The following ZCCHC7 variants were observed in gnomAD, a reference collection of about 807,000 sequenced individuals.
ZCCHC7 encodes zinc finger CCHC domain-containing protein 7.
In ZCCHC7, 35 loss-of-function variants were observed where a neutral mutation model predicts 52.0. That is an observed-to-expected ratio of 0.67 (90% CI 0.51 to 0.89). The LOEUF (loss-of-function observed/expected upper bound fraction) is 0.89, where lower values mean the gene tolerates loss of function less well. Ranked by LOEUF, ZCCHC7 falls within the 40% of genes least tolerant of loss-of-function variation. The probability of loss-of-function intolerance (pLI) is 0.00; values close to 1 mark genes in which losing one functional copy is unlikely to be tolerated. For synonymous variants in ZCCHC7, 217 were observed against 221.5 expected (o/e 0.98, Z 0.18); for missense variants, 574 against 649.1 (o/e 0.88, Z 1.26).
chr9:37,264,521 G>A (rs1002529887), intron 2 of ZCCHC7, among the ~76,000 whole-genome samples: 31 of 151,772 alleles, frequency 2.0e-4, no homozygotes, highest in Admixed American at 1.6e-3. Context: ...CTTTTTTATT[G>A]TGTATTGTGA....
chr9:37,348,771 T>G (rs1464420275), intron 6 of ZCCHC7, among the ~76,000 whole-genome samples: 1 of 152,190 alleles, frequency 6.6e-6, no homozygotes. Flanking sequence ...TGTGCCCTGC[T>G]TTTTCCACCT....
intron 2 of ZCCHC7, among the ~76,000 whole-genome samples, chr9:37,285,386 G>A (rs922323807): frequency 6.6e-6 from 1 of 151,890 alleles, no homozygotes; most frequent in Non-Finnish European, 1.5e-5. Context: ...TGGTATTTTC[G>A]AAATTATTTC....
intron 6 of ZCCHC7, among the ~76,000 whole-genome samples, chr9:37,340,647 A>G (rs1820581752): frequency 6.6e-6 from 1 of 152,180 alleles, no homozygotes; most frequent in African/African-American, 2.4e-5. Context: ...AAAAATAAAG[A>G]CATGCTCCAA....
chr9:37,142,700 T>C (rs139457165), intron 2 of ZCCHC7, among the ~76,000 whole-genome samples: 3 of 151,920 alleles, frequency 2.0e-5, no homozygotes, highest in East Asian at 3.9e-4. Flanking sequence ...TATAGTTATA[T>C]AGGCTTCATG....
chr9:37,126,377 T>A lies in ZCCHC7; in HGVS notation c.45T>A (p.Asp15Glu). 1 of 1,614,074 alleles carries A rather than the reference T, an allele frequency of 6.2e-7. No homozygotes were observed. The highest frequency in any genetic ancestry group is 8.5e-7 in the Non-Finnish European group (1 of 1,180,000). Residue 15 changes from aspartate to glutamate, a missense_variant, in exon 2 of 9, where the codon GAT becomes GAA. This residue lies in a region of ZCCHC7 where 403 missense variants were observed against 461.2 expected (regional missense o/e 0.87). Coordinates refer to ENST00000336755, the MANE Select transcript of ZCCHC7 (RefSeq NM_032226.3). ...GYETIEAYED[D>E]LYRDESSSEL... ...AGACTATAGAAGCATACGAAGATGATCTTTATCGAGATGAGTCATCTAGTG... is the reference window on the plus strand; with the variant it reads ...AGACTATAGAAGCATACGAAGATGAACTTTATCGAGATGAGTCATCTAGTG...
intron 2 of ZCCHC7, among the ~76,000 whole-genome samples, chr9:37,191,820 A>G (rs1010815360): frequency 2.0e-5 from 3 of 152,244 alleles, no homozygotes; most frequent in Non-Finnish European, 4.4e-5. Flanking sequence ...CTAGTTTACA[A>G]CAATGCAAGG....
rs1159152462 is a variant in ZCCHC7, at chr9:37,278,036, G to GTGTGTGT, written c.611-24151_611-24150insGTGTGTT. ...TGTTTGTGTGTGTGTGTGTGTGTGT[G>GTGTGTGT]TTTTGTTTTGTTTTGTTTTGTTTTG... On this transcript the variant is annotated intron_variant, in intron 2 of 8. Coordinates refer to ENST00000336755, the MANE Select transcript of ZCCHC7 (RefSeq NM_032226.3). Among the ~76,000 whole-genome samples the GTGTGTGT allele has an allele frequency of 5.1e-5, 5 of 97,830 alleles. No individual in the cohort carries two copies. The East Asian group carries it at 9.8e-4, about 19-fold the overall frequency. The allele number at this position is 97,830 out of a possible 152,430, so 64.2% of individuals were successfully genotyped here.
chr9:37,328,398 G>A lies in ZCCHC7; in HGVS notation c.987+564G>A, dbSNP rs12377657. ...CTAGTTTCCTTTTATTGTGATTTTA[G>A]GCTAAGTAGAAGCAGAAAATACAGT... On this transcript the variant is annotated intron_variant, in intron 6 of 8. Transcript: ENST00000336755. Among the ~76,000 whole-genome samples the A allele has an allele frequency of 8.3e-3, 1,267 of 151,910 alleles. 6 individuals carry two copies. The highest frequency in any genetic ancestry group is 0.011 in the Non-Finnish European group (761 of 67,868).
At chr9:37,156,392 G>A (rs1478839061) in intron 2 of ZCCHC7, among the ~76,000 whole-genome samples, 2 of 152,158 alleles carry the variant, frequency 1.3e-5, no homozygotes, top group African/African-American at 4.8e-5. Flanking sequence ...CATGATCTAT[G>A]TGTAAGTTCC....
intron 5 of ZCCHC7, among the ~76,000 whole-genome samples, chr9:37,325,558 C>T (rs566878234): frequency 9.2e-5 from 14 of 151,760 alleles, no homozygotes; most frequent in South Asian, 2.1e-4. Flanking sequence ...ATACGTGCAA[C>T]GACTAGGGAA....
At chr9:37,291,090 A>G (rs1273202183) in intron 2 of ZCCHC7, among the ~76,000 whole-genome samples, 1 of 152,182 alleles carries the variant, frequency 6.6e-6, no homozygotes, top group Admixed American at 6.5e-5. Flanking sequence ...CTGTCTTTAT[A>G]ATCTTCTTTC....
chr9:37,352,871 A>G (rs1361854917), intron 7 of ZCCHC7, among the ~76,000 whole-genome samples: 1 of 151,998 alleles, frequency 6.6e-6, no homozygotes, highest in Admixed American at 6.6e-5. Flanking sequence ...TATAACCTCT[A>G]GGACCCTCCC....
chr9:37,189,440 G>A (rs1018074180), intron 2 of ZCCHC7, among the ~76,000 whole-genome samples: 1 of 152,178 alleles, frequency 6.6e-6, no homozygotes, highest in Non-Finnish European at 1.5e-5. Flanking sequence ...AGGCTGGAGT[G>A]CAACAGCGTG....
chr9:37,209,241 CG>C lies in ZCCHC7; in HGVS notation c.610+82300del, dbSNP rs779449548. 2.0e-5 allele frequency among the ~76,000 whole-genome samples: 3 copies of C among 152,002 alleles called. No individual in the cohort carries two copies. In the East Asian group the frequency reaches 5.8e-4, roughly 29 times the overall value. On this transcript the variant is annotated intron_variant, in intron 2 of 8. Transcript: ENST00000336755. ...ATTTTTAGTAGAGACGGGGTTTCAC[CG>C]TGTTAGCCAGGATGGTCTCGATCTC...
intron 2 of ZCCHC7, chr9:37,205,417 C>T (rs1823851664): frequency 1.2e-5 from 2 of 160,194 alleles, no homozygotes; most frequent in African/African-American, 2.4e-5. Flanking sequence ...ACCTGAAAAA[C>T]AACTAGTATA....
At chr9:37,264,143 GT>G (rs1199519981) in intron 2 of ZCCHC7, among the ~76,000 whole-genome samples, 2 of 152,128 alleles carry the variant, frequency 1.3e-5, no homozygotes, top group Non-Finnish European at 2.9e-5. Flanking sequence ...TCATTTACTA[GT>G]TGTGTGACAG....
At chr9:37,129,370 T>G (rs1842677424) in intron 2 of ZCCHC7, among the ~76,000 whole-genome samples, 1 of 152,254 alleles carries the variant, frequency 6.6e-6, no homozygotes, top group African/African-American at 2.4e-5. Context: ...ATTAATTTAC[T>G]TGACTCTTAT....
In ZCCHC7 at chr9:37,327,779, T is replaced by G; in HGVS notation, c.952-20T>G. On this transcript the variant is annotated intron_variant, in intron 5 of 8. Transcript: ENST00000336755. Reference sequence around the variant, plus strand: ...TACCTTGTTTCATGCTCCCAGCTGATCAATATTTTTATTTTCCAGGCTTGC... The same window carrying G: ...TACCTTGTTTCATGCTCCCAGCTGAGCAATATTTTTATTTTCCAGGCTTGC... 1 of 1,612,872 alleles carries G rather than the reference T, an allele frequency of 6.2e-7. No individual in the cohort carries two copies.
At chr9:37,175,420 T>G (rs1485368002) in intron 2 of ZCCHC7, among the ~76,000 whole-genome samples, 1 of 151,708 alleles carries the variant, frequency 6.6e-6, no homozygotes, top group Non-Finnish European at 1.5e-5. Flanking sequence ...TCTCCCATTT[T>G]AGGCCAGGCG....
Sources: gnomAD v4.1 joint callset for allele counts (sites outside exome capture counted in the v4.1 genomes callset) on GRCh38, gnomAD v4.1.1 for gene constraint, gnomAD v4.1.1 regional missense constraint, MANE v1.5 for transcripts, NCBI Gene and HGNC (gene_info 2026-07-23, HGNC 2026-07-21) for gene names.